PALLD: variants seen among roughly 807,000 people sequenced by gnomAD.
PALLD encodes palladin.
PALLD carries 61 observed loss-of-function variants against 123.5 expected under a neutral mutation model. The observed-to-expected ratio is 0.49, with a 90% confidence interval of 0.40 to 0.61. PALLD has a LOEUF of 0.61. Ranked by LOEUF, PALLD falls within the 20% of genes least tolerant of loss-of-function variation. The probability of loss-of-function intolerance (pLI) is 0.00; values close to 1 mark genes in which losing one functional copy is unlikely to be tolerated. For missense variants in PALLD, 1,273 were observed against 1,377.0 expected (o/e 0.92, Z 1.20); for synonymous variants, 465 against 496.4 (o/e 0.94, Z 0.84).
At chr4:168,924,844 T>C in intron 19 of PALLD, 101 bp from the exon 20 acceptor site, 1 of 1,193,916 alleles carries the variant, frequency 8.4e-7, no homozygotes, top group South Asian at 1.2e-5. Context: ...ATCAGCTACT[T>C]GCACAATTCT....
chr4:168,841,555 C>T (rs903220864), intron 10 of PALLD, among the ~76,000 whole-genome samples: 1 of 152,168 alleles, frequency 6.6e-6, no homozygotes. Context: ...GGAGAAAATG[C>T]AGCAGTGGGG....
At chr4:168,562,977 A>T (rs376665551) in intron 2 of PALLD, among the ~76,000 whole-genome samples, 3 of 152,202 alleles carry the variant, frequency 2.0e-5, no homozygotes, top group East Asian at 1.9e-4. Flanking sequence ...AGAAGTGGAG[A>T]TGGTGAAAAG....
At chr4:168,719,638 C>T (rs1395068225) in intron 10 of PALLD, among the ~76,000 whole-genome samples, 1 of 152,080 alleles carries the variant, frequency 6.6e-6, no homozygotes, top group African/African-American at 2.4e-5. Context: ...ATATATTTGC[C>T]TGTCACAGGG....
At position 168,803,684 on chromosome 4, in the gene PALLD, C is replaced by CAAA. The variant is rs5863961; in HGVS notation, c.1965-87226_1965-87224dup. On this transcript the variant is annotated intron_variant, in intron 10 of 21. Transcript: ENST00000505667. Reference sequence around the variant, plus strand: ...TGGGTGATAGAGTGAGACCCTGTCTCAAAAAAAAAAAAAAGAAAAAAGGAA... The same window carrying CAAA: ...TGGGTGATAGAGTGAGACCCTGTCTCAAAAAAAAAAAAAAAAAGAAAAAAGGAA... Among the ~76,000 whole-genome samples, 44 of 137,678 alleles carry CAAA rather than the reference C, an allele frequency of 3.2e-4. 1 individual carries two copies. Among genetic ancestry groups the CAAA allele is most frequent in the African/African-American group, 6.7e-4 (25 of 37,106 alleles). 90.3% of individuals were successfully genotyped at this position (137,678 alleles called of 152,430 possible).
At chr4:168,598,238 A>G (rs956577395) in intron 2 of PALLD, 9 of 389,320 alleles carry the variant, frequency 2.3e-5, no homozygotes, top group Admixed American at 6.5e-5. Context: ...CCAGAAAAAA[A>G]TTTAGTTAGC....
At chr4:168,717,464 C>A (rs1262799985) in intron 10 of PALLD, among the ~76,000 whole-genome samples, 1 of 152,110 alleles carries the variant, frequency 6.6e-6, no homozygotes, top group East Asian at 1.9e-4. Context: ...CATTCTCCTG[C>A]CTCAGCCTCC....
chr4:168,900,248 C>T (rs531258524), intron 14 of PALLD, among the ~76,000 whole-genome samples: 5 of 152,282 alleles, frequency 3.3e-5, no homozygotes, highest in African/African-American at 1.2e-4. Flanking sequence ...CACTGGGAGT[C>T]CCATTTCAGC....
chr4:168,691,388 T>G, intron 8 of PALLD, 96 bp downstream of exon 8: 1 of 992,578 alleles, frequency 1.0e-6, no homozygotes, highest in Non-Finnish European at 1.6e-6. Context: ...CTTAAAGCCG[T>G]AAGCAGAACA....
intron 2 of PALLD, among the ~76,000 whole-genome samples, chr4:168,590,490 C>T (rs1771294944): frequency 6.6e-6 from 1 of 152,162 alleles, no homozygotes; most frequent in Admixed American, 6.5e-5. Flanking sequence ...ATCAGAAATT[C>T]ACAAGGAAAA....
intron 10 of PALLD, among the ~76,000 whole-genome samples, chr4:168,758,449 A>G (rs528411127): frequency 1.3e-5 from 2 of 152,270 alleles, no homozygotes; most frequent in South Asian, 4.1e-4. Context: ...CAGCCCTTCT[A>G]AAGAATCCAC....
chr4:168,862,375 G>A (rs1335297787), intron 10 of PALLD, among the ~76,000 whole-genome samples: 1 of 151,776 alleles, frequency 6.6e-6, no homozygotes, highest in African/African-American at 2.4e-5. Context: ...CTCAAGATCT[G>A]GGCTCAAGTG....
chr4:168,794,993 T>C (rs1738273927), intron 10 of PALLD, among the ~76,000 whole-genome samples: 1 of 152,136 alleles, frequency 6.6e-6, no homozygotes, highest in African/African-American at 2.4e-5. Context: ...CAGTGTTTGG[T>C]GAGGGTTGGC....
intron 2 of PALLD, among the ~76,000 whole-genome samples, chr4:168,560,035 C>A (rs546539873): frequency 6.6e-6 from 1 of 152,198 alleles, no homozygotes; most frequent in Non-Finnish European, 1.5e-5. Flanking sequence ...TTACAAATTT[C>A]AATGTATATT....
intron 10 of PALLD, among the ~76,000 whole-genome samples, chr4:168,766,169 A>G (rs1454608395): frequency 6.6e-6 from 1 of 152,216 alleles, no homozygotes; most frequent in African/African-American, 2.4e-5. Context: ...TAATACCAAT[A>G]GTAACCACAA....
intron 2 of PALLD, among the ~76,000 whole-genome samples, chr4:168,560,641 T>C (rs926924693): frequency 6.6e-5 from 10 of 152,218 alleles, no homozygotes; most frequent in Non-Finnish European, 1.5e-4. Flanking sequence ...TACCGGTTTC[T>C]GTATCAAGCT....
At position 168,804,050 on chromosome 4, in the gene PALLD, T is replaced by G. The variant is rs148759352; in HGVS notation, c.1965-86872T>G. On this transcript the variant is annotated intron_variant, in intron 10 of 21. Transcript: ENST00000505667. The stretch of plus-strand genomic sequence containing the variant: ...GTTACAGTTGTAAACAGGCCTGGCT[T>G]TTTACATTGTTACTCACTGGTGTGG... Among the ~76,000 whole-genome samples the G allele has an allele frequency of 5.1e-3, 780 of 152,274 alleles. 11 individuals are homozygous for G. Among genetic ancestry groups the G allele is most frequent in the African/African-American group, 0.018 (745 of 41,524 alleles).
intron 10 of PALLD, among the ~76,000 whole-genome samples, chr4:168,751,203 G>A (rs1268082291): frequency 6.6e-6 from 1 of 151,822 alleles, no homozygotes; most frequent in African/African-American, 2.4e-5. Flanking sequence ...GTAGAGACAG[G>A]GTTTCTCCAT....
At chr4:168,616,692 G>A (rs1273745961) in intron 2 of PALLD, among the ~76,000 whole-genome samples, 1 of 152,116 alleles carries the variant, frequency 6.6e-6, no homozygotes, top group South Asian at 2.1e-4. Context: ...GAAAAATAAG[G>A]ATTCCCAAGC....
At chr4:168,647,735 T>C (rs998100233) in intron 2 of PALLD, among the ~76,000 whole-genome samples, 3 of 148,334 alleles carry the variant, frequency 2.0e-5, no homozygotes. Flanking sequence ...GAGCGGAGAT[T>C]GTGCCATTGT....
Sources: gnomAD v4.1 joint callset for allele counts (sites outside exome capture counted in the v4.1 genomes callset) on GRCh38, gnomAD v4.1.1 for gene constraint, MANE v1.5 for transcripts, NCBI Gene and HGNC (gene_info 2026-07-23, HGNC 2026-07-21) for gene names.